DCLK1: variants seen among roughly 807,000 people sequenced by gnomAD.
The protein encoded by DCLK1 is doublecortin like kinase 1.
DCLK1 carries 16 observed loss-of-function variants against 86.2 expected under a neutral mutation model. That is an observed-to-expected ratio of 0.19 (90% CI 0.13 to 0.28). The LOEUF (loss-of-function observed/expected upper bound fraction) is 0.28, where lower values mean the gene tolerates loss of function less well. Among genes scored for constraint, DCLK1 ranks in the 10% least tolerant of loss-of-function variants. The probability of loss-of-function intolerance (pLI) is 1.00; values close to 1 mark genes in which losing one functional copy is unlikely to be tolerated. For synonymous variants in DCLK1, 369 were observed against 370.5 expected, an observed-to-expected ratio of 1.00 and a Z score of 0.05; for missense variants, 590 against 940.2, an observed-to-expected ratio of 0.63 and a Z score of 4.87.
chr13:36,015,893 C>A (rs548425720), intron 3 of DCLK1, among the ~76,000 whole-genome samples: 3 of 152,158 alleles, frequency 2.0e-5, no homozygotes, highest in African/African-American at 2.4e-5. Context: ...GTCCTCATGA[C>A]CATATTTATT....
intron 3 of DCLK1, 107 bp downstream of exon 3, chr13:36,111,762 C>CCAGG: frequency 4.2e-6 from 4 of 941,602 alleles, no homozygotes; most frequent in Non-Finnish European, 6.4e-6. Flanking sequence ...ATCAAGTGAC[C>CCAGG]CAGGCCCTTT....
chr13:36,064,112 T>C (rs1159385264), intron 3 of DCLK1, among the ~76,000 whole-genome samples: 11 of 152,176 alleles, frequency 7.2e-5, no homozygotes, highest in Non-Finnish European at 4.4e-5. Flanking sequence ...TGAATACTAT[T>C]CACACGTGAT....
At chr13:35,929,681 G>A (rs749812927) in intron 4 of DCLK1, among the ~76,000 whole-genome samples, 1 of 152,128 alleles carries the variant, frequency 6.6e-6, no homozygotes, top group Non-Finnish European at 1.5e-5. Context: ...GGCACTTCCT[G>A]ACAGCACTGC....
intron 4 of DCLK1, among the ~76,000 whole-genome samples, chr13:35,899,496 A>G (rs1278698874): frequency 6.6e-6 from 1 of 152,160 alleles, no homozygotes; most frequent in African/African-American, 2.4e-5. Context: ...GCAAGCAAGA[A>G]AAAAAGCCTT....
intron 11 of DCLK1, among the ~76,000 whole-genome samples, chr13:35,819,009 T>A (rs1440637504): frequency 6.6e-6 from 1 of 152,124 alleles, no homozygotes; most frequent in African/African-American, 2.4e-5. Context: ...GGGAATGTTT[T>A]GGGCTTGCCA....
At chr13:36,083,351 C>T (rs1884484691) in intron 3 of DCLK1, among the ~76,000 whole-genome samples, 1 of 152,200 alleles carries the variant, frequency 6.6e-6, no homozygotes, top group Non-Finnish European at 1.5e-5. Flanking sequence ...GTCTCTGAAA[C>T]TTCTCTTTCA....
intron 2 of DCLK1, among the ~76,000 whole-genome samples, chr13:36,120,025 G>T (rs1036387952): frequency 6.6e-6 from 1 of 152,148 alleles, no homozygotes; most frequent in South Asian, 2.1e-4. Flanking sequence ...TTAAAGAAAT[G>T]AAGCAAATAG....
chr13:35,817,495 G>GT (rs923051570), intron 11 of DCLK1, among the ~76,000 whole-genome samples: 3 of 152,132 alleles, frequency 2.0e-5, no homozygotes, highest in Admixed American at 1.3e-4. Context: ...TTATTAAAAA[G>GT]TTTTTCTAAA....
intron 3 of DCLK1, among the ~76,000 whole-genome samples, chr13:36,058,026 A>G (rs1185422010): frequency 6.6e-6 from 1 of 152,196 alleles, no homozygotes; most frequent in African/African-American, 2.4e-5. Context: ...CATATTCTGA[A>G]CAATAACAGT....
intron 3 of DCLK1, among the ~76,000 whole-genome samples, chr13:36,091,381 T>C (rs887763927): frequency 6.6e-6 from 1 of 152,154 alleles, no homozygotes; most frequent in East Asian, 1.9e-4. Context: ...ATTTAAAAAA[T>C]AATAAATTTT....
At chr13:36,083,016 A>G (rs1452835289) in intron 3 of DCLK1, among the ~76,000 whole-genome samples, 2 of 152,198 alleles carry the variant, frequency 1.3e-5, no homozygotes, top group Non-Finnish European at 2.9e-5. Context: ...TCTTCTGTGC[A>G]TAAGAATCTG....
intron 4 of DCLK1, among the ~76,000 whole-genome samples, chr13:35,909,089 T>C (rs916778392): frequency 6.6e-6 from 1 of 152,230 alleles, no homozygotes; most frequent in African/African-American, 2.4e-5. Flanking sequence ...CTGAGCACGC[T>C]CAGTAGGTAT....
In DCLK1 at chr13:35,871,289, C is replaced by T. The variant is rs56185003; in HGVS notation, c.875G>A (p.Arg292His). The T allele has an allele frequency of 5.6e-6, 9 of 1,613,730 alleles. No individual in the cohort carries two copies. Among genetic ancestry groups the T allele is most frequent in the East Asian group, 4.5e-5 (2 of 44,858 alleles). Residue 292 changes from arginine to histidine, a missense_variant, in exon 5 of 17, where the codon CGC (arginine) becomes CAC (histidine). Arg to His is a conservative substitution (Grantham distance 29). This residue lies in a region of DCLK1 where 195 missense variants were observed against 365.1 expected (regional missense o/e 0.53). Transcript: ENST00000360631. Reference sequence around the variant, plus strand: ...TCCTGGGCTCTTGGTGGTGCTCCTGCGGGATGATGAAGCTATTTTGGTGTA... The same window carrying T: ...TCCTGGGCTCTTGGTGGTGCTCCTGTGGGATGATGAAGCTATTTTGGTGTA... ...TSYTKIASSS[R>H]RSTTKSPGPS... is the part of the protein sequence containing the mutation.
At chr13:35,899,732 A>G (rs1874233080) in intron 4 of DCLK1, among the ~76,000 whole-genome samples, 1 of 152,206 alleles carries the variant, frequency 6.6e-6, no homozygotes, top group Admixed American at 6.6e-5. Context: ...CCCATAACTT[A>G]CAACTTTGGA....
intron 2 of DCLK1, among the ~76,000 whole-genome samples, chr13:36,119,160 T>G (rs186583158): frequency 6.6e-5 from 10 of 152,312 alleles, no homozygotes; most frequent in Admixed American, 1.3e-4. Context: ...CATGTTGAGC[T>G]TTAAAGAACT....
intron 4 of DCLK1, among the ~76,000 whole-genome samples, chr13:35,923,477 G>A (rs1317413858): frequency 6.6e-6 from 1 of 151,968 alleles, no homozygotes; most frequent in Non-Finnish European, 1.5e-5. Context: ...AGGGAACATT[G>A]TTAAGGAGGA....
chr13:35,777,583 T>C (rs908825300), intron 16 of DCLK1, among the ~76,000 whole-genome samples: 2 of 152,194 alleles, frequency 1.3e-5, no homozygotes, highest in Non-Finnish European at 2.9e-5. Context: ...CTTCTCCACA[T>C]TGATGATCAG....
chr13:36,023,120 G>T (rs944433006), intron 3 of DCLK1, among the ~76,000 whole-genome samples: 3 of 152,212 alleles, frequency 2.0e-5, no homozygotes, highest in African/African-American at 7.2e-5. Context: ...GTTCTCCAGA[G>T]AAACAGAATC....
At chr13:36,076,653 A>G (rs183313084) in intron 3 of DCLK1, among the ~76,000 whole-genome samples, 169 of 152,186 alleles carry the variant, frequency 1.1e-3, no homozygotes, top group Admixed American at 5.8e-3. Context: ...TAATTCAATG[A>G]TTTGTGGACT....
Sources: gnomAD v4.1 joint callset for allele counts (sites outside exome capture counted in the v4.1 genomes callset) on GRCh38, gnomAD v4.1.1 for gene constraint, gnomAD v4.1.1 regional missense constraint, MANE v1.5 for transcripts, NCBI Gene and HGNC (gene_info 2026-07-23, HGNC 2026-07-21) for gene names.